The following ALK variants were observed in gnomAD, a reference collection of about 807,000 sequenced individuals.
ALK encodes the protein ALK receptor tyrosine kinase, also known as ALK tyrosine kinase receptor.
A neutral mutation model predicts 163.1 loss-of-function variants in ALK; 74 were observed. The ratio of observed to expected loss-of-function variants is 0.45; its 90% CI spans 0.38 to 0.55. The LOEUF (loss-of-function observed/expected upper bound fraction) is 0.55, where lower values mean the gene tolerates loss of function less well. Ranked by LOEUF, ALK falls within the 20% of genes least tolerant of loss-of-function variation. The pLI, the probability that ALK is intolerant of heterozygous loss-of-function variation, is 0.00. For synonymous variants in ALK, 960 were observed against 843.2 expected (o/e 1.14, Z -2.40); for missense variants, 2,063 against 2,105.3 (o/e 0.98, Z 0.39).
At chr2:29,543,015 T>C (rs1020885165) in intron 3 of ALK, among the ~76,000 whole-genome samples, 6 of 152,312 alleles carry the variant, frequency 3.9e-5, no homozygotes, top group African/African-American at 9.6e-5. Context: ...TTTTTTTATA[T>C]ATATTGATCT....
At chr2:29,554,670 T>C (rs983997085) in intron 3 of ALK, among the ~76,000 whole-genome samples, 1 of 152,186 alleles carries the variant, frequency 6.6e-6, no homozygotes, top group East Asian at 1.9e-4. Flanking sequence ...GTCAGAGGTG[T>C]TTGAACCAGA....
chr2:29,236,648 C>A (rs961109370), intron 13 of ALK, among the ~76,000 whole-genome samples: 1 of 152,130 alleles, frequency 6.6e-6, no homozygotes, highest in African/African-American at 2.4e-5. Flanking sequence ...AGCTGCCGCC[C>A]TTTCCTCACA....
intron 3 of ALK, among the ~76,000 whole-genome samples, chr2:29,579,940 A>T (rs1181672325): frequency 6.6e-6 from 1 of 152,116 alleles, no homozygotes; most frequent in African/African-American, 2.4e-5. Context: ...CTTGTCCATT[A>T]TTCTGTGATT....
Position 29,920,413 on chromosome 2 carries a change from C to T in ALK, c.247G>A (p.Gly83Ser), listed in dbSNP as rs2148443637. Residue 83 changes from glycine to serine, a missense_variant, in exon 1 of 29, where the codon GGC becomes AGC. Around this residue, in one of 5 missense-constraint regions of ALK, gnomAD observed 987 missense variants for 939.5 expected, o/e 1.05. Coordinates refer to ENST00000389048, the MANE Select transcript of ALK (RefSeq NM_004304.5). ...LPPSSSELKAGRPEARGSLAL... is the reference protein window; with the variant it reads ...LPPSSSELKASRPEARGSLAL... ...AGCGAGCCGCGGGCCTCGGGCCTGC[C>T]AGCCTTCAGCTCCGAGGAGGATGGT... The T allele has an allele frequency of 6.3e-7, 1 of 1,592,408 alleles. No individual in the cohort carries two copies. Among genetic ancestry groups the T allele is most frequent in the Non-Finnish European group, 8.5e-7 (1 of 1,169,970 alleles).
chr2:29,568,693 G>A (rs1674265457), intron 3 of ALK, among the ~76,000 whole-genome samples: 1 of 152,184 alleles, frequency 6.6e-6, no homozygotes, highest in Admixed American at 6.5e-5. Flanking sequence ...GCATGGGTGT[G>A]GGTTCGGTTA....
intron 1 of ALK, among the ~76,000 whole-genome samples, chr2:29,777,679 C>T (rs546496405): frequency 4.5e-4 from 69 of 152,318 alleles, no homozygotes; most frequent in Admixed American, 8.5e-4. Context: ...AACATACCTA[C>T]AGATCACCTG....
intron 1 of ALK, among the ~76,000 whole-genome samples, chr2:29,804,081 A>C (rs7581412): frequency 6.6e-6 from 1 of 152,238 alleles, no homozygotes; most frequent in Non-Finnish European, 1.5e-5. Context: ...CAGGAAAACT[A>C]AATCTCTTTT....
At chr2:29,343,533 C>T (rs1488885976) in intron 5 of ALK, among the ~76,000 whole-genome samples, 1 of 152,184 alleles carries the variant, frequency 6.6e-6, no homozygotes, top group East Asian at 1.9e-4. Context: ...GATCTTAAAC[C>T]TGGCATTAGC....
Position 29,788,554 on chromosome 2 carries a change from A to C in ALK, c.668-70857T>G, listed in dbSNP as rs545322503. On this transcript the variant is annotated intron_variant, in intron 1 of 28. Coordinates refer to ENST00000389048, the MANE Select transcript of ALK (RefSeq NM_004304.5). The stretch of plus-strand genomic sequence containing the variant: ...GCGAAAGGGAGGGAACTAGACAAGG[A>C]CCCAGCTCTTGAACAAGGGATTAGG... 2.6e-5 allele frequency among the ~76,000 whole-genome samples: 4 copies of C among 152,310 alleles called. No individual in the cohort carries two copies. The East Asian group carries it at 5.8e-4, about 22-fold the overall frequency.
At chr2:29,378,745 T>C (rs1668819680) in intron 5 of ALK, among the ~76,000 whole-genome samples, 1 of 145,016 alleles carries the variant, frequency 6.9e-6, no homozygotes, top group African/African-American at 2.5e-5. Flanking sequence ...TGACAGAGTC[T>C]TGCTCTGTCA....
chr2:29,232,170 A>C, intron 15 of ALK, 134 bp downstream of exon 15: 4 of 1,254,074 alleles, frequency 3.2e-6, no homozygotes, highest in Non-Finnish European at 4.7e-6. Flanking sequence ...CTCCCTGGAT[A>C]TCGGTACCAA....
At chr2:29,498,691 G>A (rs1211730685) in intron 4 of ALK, among the ~76,000 whole-genome samples, 3 of 152,210 alleles carry the variant, frequency 2.0e-5, no homozygotes, top group Admixed American at 6.5e-5. Context: ...CAAGAGCAGA[G>A]GGGCTTTTTC....
chr2:29,257,849 T>A (rs1341891927), intron 11 of ALK, among the ~76,000 whole-genome samples: 4 of 152,196 alleles, frequency 2.6e-5, no homozygotes, highest in African/African-American at 9.7e-5. Context: ...ATTCATCCAT[T>A]TCTTTTTGAG....
At chr2:29,581,154 C>T (rs1303972022) in intron 3 of ALK, among the ~76,000 whole-genome samples, 1 of 152,148 alleles carries the variant, frequency 6.6e-6, no homozygotes, top group Non-Finnish European at 1.5e-5. Flanking sequence ...CTTTGGGAGG[C>T]CAAGGTGGGC....
At chr2:29,853,451 C>T (rs11886518) in intron 1 of ALK, among the ~76,000 whole-genome samples, 2 of 152,192 alleles carry the variant, frequency 1.3e-5, no homozygotes, top group Non-Finnish European at 2.9e-5. Context: ...CAAGTCTGTT[C>T]ATGCCACCTC....
At chr2:29,477,507 C>T (rs1167413904) in intron 4 of ALK, among the ~76,000 whole-genome samples, 1 of 152,132 alleles carries the variant, frequency 6.6e-6, no homozygotes, top group Non-Finnish European at 1.5e-5. Context: ...AGGAAGTCCC[C>T]ACCCTCAGGT....
chr2:29,342,848 T>C (rs1374637128), intron 5 of ALK, among the ~76,000 whole-genome samples: 2 of 149,238 alleles, frequency 1.3e-5, no homozygotes, highest in African/African-American at 2.4e-5. Flanking sequence ...GCCTCTGAGC[T>C]AACCCGACAC....
At chr2:29,349,229 T>TA (rs1318957730) in intron 5 of ALK, among the ~76,000 whole-genome samples, 1 of 152,178 alleles carries the variant, frequency 6.6e-6, no homozygotes, top group Non-Finnish European at 1.5e-5. Context: ...GGGTCCTAAT[T>TA]ACTGGGAAGC....
At chr2:29,256,420 C>T (rs779697257) in intron 11 of ALK, among the ~76,000 whole-genome samples, 1 of 152,060 alleles carries the variant, frequency 6.6e-6, no homozygotes, top group African/African-American at 2.4e-5. Context: ...TGTAGTGCTG[C>T]GAGTGGAGTT....
Sources: gnomAD v4.1 joint callset for allele counts (sites outside exome capture counted in the v4.1 genomes callset) on GRCh38, gnomAD v4.1.1 for gene constraint, gnomAD v4.1.1 regional missense constraint, MANE v1.5 for transcripts, NCBI Gene and HGNC (gene_info 2026-07-23, HGNC 2026-07-21) for gene names.